Variants in PAK6 observed in about 807,000 individuals in gnomAD.
The protein encoded by PAK6 is serine/threonine-protein kinase PAK 6.
Under a neutral mutation model 60.8 loss-of-function variants are expected in PAK6, and 33 were observed. The ratio of observed to expected loss-of-function variants is 0.54; its 90% CI spans 0.41 to 0.73. The LOEUF (loss-of-function observed/expected upper bound fraction) is 0.73. PAK6 is among the 30% of genes least tolerant of loss of function. PAK6 has a pLI of 0.00. For synonymous variants in PAK6, 404 were observed against 378.5 expected (o/e 1.07, Z -0.78); for missense variants, 845 against 904.1 (o/e 0.93, Z 0.84).
chr15:40,253,766 CCAGACCTGCT>C (rs1182614431), intron 3 of PAK6, among the ~76,000 whole-genome samples: 1 of 152,224 alleles, frequency 6.6e-6, no homozygotes, highest in Non-Finnish European at 1.5e-5. Flanking sequence ...CCCCAGATCT[CCAGACCTGCT>C]CAGGTGGCAT....
At chr15:40,275,788 G>C in intron 10 of PAK6, 139 bp from the exon 11 acceptor site, 2 of 740,814 alleles carry the variant, frequency 2.7e-6, no homozygotes, top group Non-Finnish European at 4.5e-6. Context: ...AGAGCCTTGA[G>C]GGGGTGGGGA....
exon 7 of PAK6, chr15:40,272,959 C>A (rs2039352457): frequency 6.2e-7 from 1 of 1,613,878 alleles, no homozygotes. Context: ...CATGGAGTTC[C>A]TGCAGGGAGG....
chr15:40,274,225 C>T, exon 10 of PAK6: 3 of 1,613,600 alleles, frequency 1.9e-6, no homozygotes, highest in African/African-American at 1.3e-5. Context: ...CAGTGCAAGC[C>T]ATGAAGAGGC....
intron 2 of PAK6, among the ~76,000 whole-genome samples, chr15:40,243,821 G>C (rs2038422938): frequency 6.6e-6 from 1 of 152,224 alleles, no homozygotes; most frequent in Admixed American, 6.5e-5. Context: ...ACTTGAAGTG[G>C]GCTGCCCCTA....
At chr15:40,276,136 G>T in exon 11 of PAK6, 1 of 1,581,264 alleles carries the variant, frequency 6.3e-7, no homozygotes. Flanking sequence ...CACAGGCAGG[G>T]CACACTGGGC....
At chr15:40,264,733 C>T (rs757529088) in intron 3 of PAK6, 48 bp from the exon 4 acceptor site, 1 of 1,552,592 alleles carries the variant, frequency 6.4e-7, no homozygotes, top group Non-Finnish European at 8.9e-7. Context: ...CCTGCTGCAG[C>T]CACCCCTCTT....
At chr15:40,240,578 T>C (rs1566839626) in intron 1 of PAK6, 21 bp from the exon 2 acceptor site, 1 of 398,210 alleles carries the variant, frequency 2.5e-6, no homozygotes, top group East Asian at 7.2e-5. Context: ...TTTTTTTTTT[T>C]TTTTTCTATT....
rs957178940 is a variant in PAK6, at chr15:40,252,849, C to T, written c.-117-329C>T. On this transcript the variant is annotated intron_variant, in intron 2 of 10. Transcript: ENST00000560346. ...CATCTGGAGCTCCGCGTCCCTGGAG[C>T]GGGACCTCCCTCCGCGGGCGCCCGC... 18 of 1,268,398 alleles carry T rather than the reference C, an allele frequency of 1.4e-5. No homozygotes were observed. The Admixed American group carries it at 4.2e-4, about 30-fold the overall frequency. The allele number at this position is 1,268,398 out of a possible 1,614,324, so 78.6% of individuals were successfully genotyped here.
intron 3 of PAK6, 93 bp from the exon 4 acceptor site, chr15:40,264,688 G>A (rs1452732727): frequency 4.0e-6 from 4 of 1,007,624 alleles, no homozygotes; most frequent in Non-Finnish European, 6.1e-6. Context: ...CTGTGCTGGG[G>A]GAGGGGAGGG....
intron 2 of PAK6, among the ~76,000 whole-genome samples, chr15:40,250,304 C>T (rs1158472364): frequency 4.6e-5 from 7 of 152,144 alleles, no homozygotes; most frequent in African/African-American, 7.2e-5. Context: ...GGGGTGGCAA[C>T]GGGGCGGATC....
At chr15:40,273,567 T>C in exon 9 of PAK6, 1 of 1,614,018 alleles carries the variant, frequency 6.2e-7, no homozygotes, top group Non-Finnish European at 8.5e-7. Flanking sequence ...CTCTCGGACT[T>C]CGGATTCTGT....
chr15:40,249,919 T>G (rs2038616170), intron 2 of PAK6, among the ~76,000 whole-genome samples: 1 of 152,260 alleles, frequency 6.6e-6, no homozygotes, highest in Non-Finnish European at 1.5e-5. Context: ...ATGTCTGTTT[T>G]GGGTGTCTCT....
intron 3 of PAK6, among the ~76,000 whole-genome samples, chr15:40,253,575 T>C (rs1011109339): frequency 6.6e-6 from 1 of 152,250 alleles, no homozygotes; most frequent in African/African-American, 2.4e-5. Flanking sequence ...ATGCCTGTCC[T>C]GGGTGAGGGT....
exon 5 of PAK6, chr15:40,266,021 G>A: frequency 6.2e-7 from 1 of 1,602,130 alleles, no homozygotes. Flanking sequence ...ACCCAGACAT[G>A]TACCTCCAGA....
At chr15:40,252,631 G>T in intron 2 of PAK6, 1 of 1,336,554 alleles carries the variant, frequency 7.5e-7, no homozygotes. Flanking sequence ...GGTCCCTCCC[G>T]CGGAGGGCGG....
rs541865967 is a variant in PAK6, at chr15:40,255,176, G to A, written c.-6+1887G>A. Among the ~76,000 whole-genome samples, 5 of 152,318 alleles carry A rather than the reference G, an allele frequency of 3.3e-5. No homozygotes were observed. In the East Asian group the frequency reaches 7.7e-4, roughly 24 times the overall value. On this transcript the variant is annotated intron_variant, in intron 3 of 10. Coordinates refer to ENST00000560346, the Ensembl canonical transcript of PAK6. Reference sequence around the variant, plus strand: ...CCCTATGCTAAGGACTCAGACCTCTGTGTGCAGAGGCTGTTGAGAATCTAG... The same window carrying A: ...CCCTATGCTAAGGACTCAGACCTCTATGTGCAGAGGCTGTTGAGAATCTAG...
intron 2 of PAK6, chr15:40,252,420 GAA>G (rs2038700059): frequency 7.4e-7 from 1 of 1,354,696 alleles, no homozygotes; most frequent in South Asian, 1.1e-5. Flanking sequence ...CAGGTGGAGA[GAA>G]AGAGTTGAGC....
chr15:40,268,512 ACCCCAGGAGT>A (rs1218356198), intron 5 of PAK6, among the ~76,000 whole-genome samples: 3 of 152,098 alleles, frequency 2.0e-5, no homozygotes, highest in Non-Finnish European at 2.9e-5. Flanking sequence ...ACCACCACCT[ACCCCAGGAGT>A]CCCCAGATCA....
chr15:40,264,934 C>G (rs750072898), exon 4 of PAK6: 1 of 1,613,664 alleles, frequency 6.2e-7, no homozygotes, highest in South Asian at 1.1e-5. Flanking sequence ...CTGCGGCGCC[C>G]CAAGCCCGTG....
Sources: gnomAD v4.1 joint callset for allele counts (sites outside exome capture counted in the v4.1 genomes callset) on GRCh38, gnomAD v4.1.1 for gene constraint, MANE v1.5 for transcripts, NCBI Gene and HGNC (gene_info 2026-07-23, HGNC 2026-07-21) for gene names.